The following FMN2 variants were observed in gnomAD, a reference collection of about 807,000 sequenced individuals.
FMN2 encodes formin-2.
In FMN2, 51 loss-of-function variants were observed where a neutral mutation model predicts 142.3. That is an observed-to-expected ratio of 0.36 (90% CI 0.29 to 0.45). FMN2 has a LOEUF of 0.45. FMN2 is among the 20% of genes least tolerant of loss of function. FMN2 has a pLI of 1.00. For synonymous variants in FMN2, 882 were observed against 869.8 expected (o/e 1.01, Z -0.25); for missense variants, 1,936 against 2,122.8 (o/e 0.91, Z 1.73).
chr1:240,222,830 G>T (rs1345245944), intron 6 of FMN2, among the ~76,000 whole-genome samples: 1 of 152,146 alleles, frequency 6.6e-6, no homozygotes, highest in Non-Finnish European at 1.5e-5. Flanking sequence ...TGTGATTTTT[G>T]CACATTGATT....
chr1:240,368,726 A>G (rs1558456881), intron 14 of FMN2, among the ~76,000 whole-genome samples: 2 of 152,122 alleles, frequency 1.3e-5, no homozygotes, highest in Non-Finnish European at 2.9e-5. Context: ...GGACAGAAAG[A>G]GTAGAAATGT....
chr1:240,336,713 C>A (rs990831674), intron 13 of FMN2, among the ~76,000 whole-genome samples: 6 of 151,982 alleles, frequency 3.9e-5, no homozygotes, highest in African/African-American at 1.5e-4. Flanking sequence ...AGAAGAATGG[C>A]ATTTACCTTT....
At chr1:240,263,203 C>T (rs1015096872) in intron 7 of FMN2, among the ~76,000 whole-genome samples, 1 of 152,150 alleles carries the variant, frequency 6.6e-6, no homozygotes, top group South Asian at 2.1e-4. Context: ...AGTTTGAAAA[C>T]CCTGCTTCAT....
intron 15 of FMN2, among the ~76,000 whole-genome samples, chr1:240,405,542 C>T (rs1453196735): frequency 1.8e-4 from 27 of 151,724 alleles, no homozygotes; most frequent in Admixed American, 1.3e-4. Context: ...GGCTTGAACC[C>T]GGGAGGCGGA....
In FMN2 at chr1:240,473,023, CA is replaced by C. The variant is rs1484363926; in HGVS notation, c.5142+571del. Among the ~76,000 whole-genome samples the C allele has an allele frequency of 2.0e-5, 3 of 151,670 alleles. No homozygotes were observed. The highest frequency in any genetic ancestry group is 7.3e-5 in the African/African-American group (3 of 41,252). ...ATTTATGTGGATATGTGCATGTTGG[CA>C]GGGGCAGGGTGGGGAGACCATCTTT... is the stretch of plus-strand genomic sequence containing the variant. On this transcript the variant is annotated intron_variant, in intron 17 of 17. Coordinates refer to ENST00000319653, the MANE Select transcript of FMN2 (RefSeq NM_020066.5). This position sits in a 1 kb window ranked among gnomAD's most constrained non-coding sequence, Gnocchi z 4.3.
chr1:240,222,467 T>C (rs1328464723), intron 6 of FMN2, among the ~76,000 whole-genome samples: 3 of 152,004 alleles, frequency 2.0e-5, no homozygotes, highest in Admixed American at 2.0e-4. Context: ...GACTTGGCTA[T>C]ATGGGCTCTT....
intron 1 of FMN2, among the ~76,000 whole-genome samples, chr1:240,098,996 A>G (rs1212140625): frequency 6.6e-6 from 1 of 152,182 alleles, no homozygotes; most frequent in Non-Finnish European, 1.5e-5. Flanking sequence ...TATATTTGCA[A>G]TCCTAGTTTT....
intron 2 of FMN2, among the ~76,000 whole-genome samples, chr1:240,142,376 TATTA>T (rs1663220726): frequency 6.6e-6 from 1 of 152,144 alleles, no homozygotes; most frequent in African/African-American, 2.4e-5. Context: ...TTTTGGTAAA[TATTA>T]ATTGTATTTT....
At chr1:240,358,702 A>G (rs957847141) in intron 14 of FMN2, among the ~76,000 whole-genome samples, 2 of 152,198 alleles carry the variant, frequency 1.3e-5, no homozygotes, top group African/African-American at 2.4e-5. Flanking sequence ...ACTCCCTATC[A>G]TAAGAACGGC....
At chr1:240,370,927 A>G (rs1672844975) in intron 14 of FMN2, among the ~76,000 whole-genome samples, 1 of 152,158 alleles carries the variant, frequency 6.6e-6, no homozygotes, top group Non-Finnish European at 1.5e-5. Context: ...TATGTAAAAT[A>G]TCAAAAATGT....
intron 2 of FMN2, among the ~76,000 whole-genome samples, chr1:240,159,923 A>G (rs375278114): frequency 0.17 from 22,332 of 128,904 alleles, 2,082 homozygotes; most frequent in South Asian, 0.26. Flanking sequence ...ATATATATAT[A>G]TATATATATT....
chr1:240,295,547 T>C (rs1310512291), intron 8 of FMN2, among the ~76,000 whole-genome samples: 3 of 144,124 alleles, frequency 2.1e-5, no homozygotes, highest in Non-Finnish European at 4.6e-5. Context: ...CTTATTTCAC[T>C]TAGCATTATG....
intron 6 of FMN2, among the ~76,000 whole-genome samples, chr1:240,243,414 T>C (rs957222772): frequency 8.6e-5 from 13 of 151,286 alleles, no homozygotes; most frequent in Middle Eastern, 3.4e-3. Context: ...AAATCACACT[T>C]TGTAAATTCC....
chr1:240,207,088 C>T lies in FMN2; in HGVS notation c.2276C>T (p.Pro759Leu). The change falls in exon 5 of 18, where the codon CCT becomes CTT. Residue 759 changes from proline to leucine, a missense_variant. By Grantham distance (98) the Pro-to-Leu change is moderately conservative. Coordinates refer to ENST00000319653, the MANE Select transcript of FMN2 (RefSeq NM_020066.5). ...GAGGGCGGGGTGCTGACACTGCCTCCTGTGGATGGGCTGCCAGGGCGTCCT... is the reference window on the plus strand; with the variant it reads ...GAGGGCGGGGTGCTGACACTGCCTCTTGTGGATGGGCTGCCAGGGCGTCCT... Reference protein sequence around the residue: ...TEEGGVLTLPPVDGLPGRPPC... With the variant: ...TEEGGVLTLPLVDGLPGRPPC... 1 of 1,614,122 alleles carries T rather than the reference C, an allele frequency of 6.2e-7. No homozygotes were observed. Among genetic ancestry groups the T allele is most frequent in the Non-Finnish European group, 8.5e-7 (1 of 1,179,998 alleles).
At chr1:240,369,864 T>G (rs1037028849) in intron 14 of FMN2, among the ~76,000 whole-genome samples, 2 of 152,282 alleles carry the variant, frequency 1.3e-5, no homozygotes, top group African/African-American at 4.8e-5. Flanking sequence ...GCCTTGCATG[T>G]TAGGATCACA....
intron 13 of FMN2, among the ~76,000 whole-genome samples, chr1:240,354,195 T>C (rs1197154820): frequency 1.3e-5 from 2 of 151,930 alleles, no homozygotes; most frequent in Non-Finnish European, 2.9e-5. Flanking sequence ...AGACTGGAGA[T>C]GAGAAGCCAA....
chr1:240,227,445 TAGAC>T (rs1667350312), intron 6 of FMN2, among the ~76,000 whole-genome samples: 1 of 152,028 alleles, frequency 6.6e-6, no homozygotes, highest in Non-Finnish European at 1.5e-5. Flanking sequence ...TTTAGCAAAA[TAGAC>T]AAGCTAATTT....
At chr1:240,121,092 C>T (rs1163478293) in intron 1 of FMN2, among the ~76,000 whole-genome samples, 3 of 151,588 alleles carry the variant, frequency 2.0e-5, no homozygotes, top group Non-Finnish European at 4.4e-5. Context: ...ACCCGGGAGG[C>T]GGAGGTTGCA....
At chr1:240,193,701 T>G (rs1665803998) in intron 4 of FMN2, among the ~76,000 whole-genome samples, 1 of 152,252 alleles carries the variant, frequency 6.6e-6, no homozygotes, top group Non-Finnish European at 1.5e-5. Flanking sequence ...CTCCTTGGCC[T>G]GCAGCCTGAC....
Sources: allele counts gnomAD v4.1 joint callset (sites outside exome capture counted in the v4.1 genomes callset), GRCh38; gene constraint gnomAD v4.1.1; non-coding constraint Gnocchi (gnomAD v3.1); transcripts MANE v1.5; gene names NCBI Gene and HGNC (gene_info 2026-07-23, HGNC 2026-07-21).